Variants in IQGAP2 observed in about 807,000 individuals in gnomAD.
IQGAP2 encodes the protein IQ motif containing GTPase activating protein 2.
A neutral mutation model predicts 201.3 loss-of-function variants in IQGAP2; 173 were observed. The observed-to-expected ratio is 0.86, with a 90% CI of 0.76 to 0.98. The LOEUF is 0.98. Ranked by LOEUF, IQGAP2 falls within the 50% of genes least tolerant of loss-of-function variation. The pLI, the probability that IQGAP2 is intolerant of heterozygous loss-of-function variation, is 0.00. For synonymous variants in IQGAP2, 675 were observed against 673.9 expected (o/e 1.00, Z -0.03); for missense variants, 1,687 against 1,864.8 (o/e 0.90, Z 1.76).
At chr5:76,600,127 A>C (rs1747329677) in intron 10 of IQGAP2, among the ~76,000 whole-genome samples, 1 of 152,170 alleles carries the variant, frequency 6.6e-6, no homozygotes, top group Non-Finnish European at 1.5e-5. Flanking sequence ...CAGCCTGGGC[A>C]ACAAGAGCCA....
At chr5:76,657,302 C>T (rs1404181785) in intron 20 of IQGAP2, among the ~76,000 whole-genome samples, 1 of 152,162 alleles carries the variant, frequency 6.6e-6, no homozygotes, top group Non-Finnish European at 1.5e-5. Context: ...TGGTGCATTG[C>T]TAAGGCCTTC....
In IQGAP2 at chr5:76,707,722, A is replaced by G. The variant is rs2150575567; in HGVS notation, c.*409A>G. Reference sequence around the variant, plus strand: ...TTTTTTAATCTATGGATAAATGGAAACCTAATTATTTGTAATGAATTATTT... The same window carrying G: ...TTTTTTAATCTATGGATAAATGGAAGCCTAATTATTTGTAATGAATTATTT... On this transcript the variant is annotated 3_prime_UTR_variant, in exon 36 of 36. Transcript: ENST00000274364. 1 of 157,080 alleles carries G rather than the reference A, an allele frequency of 6.4e-6. No homozygotes were observed. The highest frequency in any genetic ancestry group is 2.4e-5 in the African/African-American group (1 of 41,636). 9.7% of individuals were successfully genotyped at this position (157,080 alleles called of 1,614,324 possible). A position where few individuals can be genotyped will look rare whatever the true frequency, so the allele number is the denominator to read the frequency against.
Position 76,677,224 on chromosome 5 carries a change from T to C in IQGAP2, c.3534T>C (p.Tyr1178=), listed in dbSNP as rs1423711196. 3.1e-6 allele frequency: 5 copies of C among 1,613,030 alleles called. No homozygotes were observed. Among genetic ancestry groups the C allele is most frequent in the Non-Finnish European group, 4.2e-6 (5 of 1,179,418 alleles). The stretch of plus-strand genomic sequence containing the variant: ...CTTTTCCCCCCTTTATTAGGAAATA[T>C]TTCAAAGAAGCATGTAATGTCCCTG... ...LSETYQEFRK[Y]FKEACNVPEP... The change falls in exon 28 of 36, where the codon TAT becomes TAC. Residue 1178 remains tyrosine (Y), a synonymous_variant. Coordinates refer to ENST00000274364, the MANE Select transcript of IQGAP2 (RefSeq NM_006633.5).
intron 2 of IQGAP2, among the ~76,000 whole-genome samples, chr5:76,496,933 G>A (rs772017812): frequency 2.6e-5 from 4 of 151,740 alleles, no homozygotes; most frequent in Non-Finnish European, 5.9e-5. Flanking sequence ...GTGTTCAAGC[G>A]ATTCTCCTGT....
intron 2 of IQGAP2, among the ~76,000 whole-genome samples, chr5:76,500,288 C>T (rs1757204593): frequency 6.6e-6 from 1 of 152,194 alleles, no homozygotes. Flanking sequence ...TGCATTTGTT[C>T]ATTGGTAGAG....
rs1390331703 is a variant in IQGAP2, at chr5:76,403,512, G to T, written c.-34G>T. ...TGGCCAGCGAGGGTAGCCGCGGGGG[G>T]CGCGCCCCGGGCGGGCCCCCGGAGA... On this transcript the variant is annotated 5_prime_UTR_variant, in exon 1 of 36. Transcript: ENST00000274364. The surrounding 1 kb of genome is among the most constrained non-coding windows in gnomAD (Gnocchi z 4.8). 6.9e-7 allele frequency: 1 copy of T among 1,451,176 alleles called. No homozygotes were observed. Among genetic ancestry groups the T allele is most frequent in the Non-Finnish European group, 9.0e-7 (1 of 1,108,836 alleles). The allele number at this position is 1,451,176 out of a possible 1,614,324, so 89.9% of individuals were successfully genotyped here. A position where few individuals can be genotyped will look rare whatever the true frequency, so the allele number is the denominator to read the frequency against.
intron 2 of IQGAP2, among the ~76,000 whole-genome samples, chr5:76,486,809 A>G (rs1756172043): frequency 6.6e-6 from 1 of 152,184 alleles, no homozygotes; most frequent in South Asian, 2.1e-4. Flanking sequence ...CACTGTAGCC[A>G]CCATTACAAG....
intron 9 of IQGAP2, chr5:76,597,127 T>G (rs1472344688): frequency 3.5e-6 from 1 of 282,404 alleles, no homozygotes; most frequent in African/African-American, 2.2e-5. Flanking sequence ...ATCTGAAGGC[T>G]TCAGGGAAGA....
intron 1 of IQGAP2, among the ~76,000 whole-genome samples, chr5:76,436,833 T>C (rs1215683648): frequency 2.6e-5 from 4 of 151,666 alleles, no homozygotes; most frequent in Non-Finnish European, 5.9e-5. Flanking sequence ...TGGCCAATCG[T>C]ATGGTTTTGT....
chr5:76,672,371 T>G (rs1446296477), intron 24 of IQGAP2, among the ~76,000 whole-genome samples: 2 of 152,136 alleles, frequency 1.3e-5, no homozygotes, highest in Non-Finnish European at 2.9e-5. Context: ...TCTGGGTGGG[T>G]GGTTGTAGAT....
At chr5:76,632,814 G>GAA (rs56875301) in intron 15 of IQGAP2, among the ~76,000 whole-genome samples, 82,428 of 148,848 alleles carry the variant, frequency 0.55, 22,665 homozygotes, top group South Asian at 0.63. Flanking sequence ...AGAGCTTAAG[G>GAA]AAAAAAAAAA....
chr5:76,667,401 A>G (rs959999900), intron 22 of IQGAP2, among the ~76,000 whole-genome samples: 4 of 152,232 alleles, frequency 2.6e-5, no homozygotes, highest in African/African-American at 9.6e-5. Context: ...CCAGTTTTCA[A>G]GTATGGAAAA....
intron 2 of IQGAP2, among the ~76,000 whole-genome samples, chr5:76,484,213 C>T (rs1214090061): frequency 6.6e-6 from 1 of 152,040 alleles, no homozygotes; most frequent in African/African-American, 2.4e-5. Flanking sequence ...TCAAAGAACT[C>T]AAAATAGAGC....
In IQGAP2 at chr5:76,678,395, G is replaced by A. The variant is rs2150502814; in HGVS notation, c.3660+1045G>A. On this transcript the variant is annotated intron_variant, in intron 28 of 35. Coordinates refer to ENST00000274364, the MANE Select transcript of IQGAP2 (RefSeq NM_006633.5). Reference sequence around the variant, plus strand: ...CAGTGGCATGGGGAAGGAATTGGGAGGCTTTAGATGACTTTTCAAACATTA... The same window carrying A: ...CAGTGGCATGGGGAAGGAATTGGGAAGCTTTAGATGACTTTTCAAACATTA... Among the ~76,000 whole-genome samples, 2 of 151,612 alleles carry A rather than the reference G, an allele frequency of 1.3e-5. 1 individual carries two copies. Among genetic ancestry groups the A allele is most frequent in the Middle Eastern group, 6.9e-3 (2 of 290 alleles).
intron 5 of IQGAP2, among the ~76,000 whole-genome samples, chr5:76,578,404 C>T (rs2150286301): frequency 6.6e-6 from 1 of 152,248 alleles, no homozygotes; most frequent in South Asian, 2.1e-4. Flanking sequence ...CCTCCACCTT[C>T]CGGGTTCAGG....
intron 5 of IQGAP2, among the ~76,000 whole-genome samples, chr5:76,588,264 T>C (rs1404100189): frequency 6.6e-6 from 1 of 152,226 alleles, no homozygotes; most frequent in Non-Finnish European, 1.5e-5. Context: ...TTTATAGAAT[T>C]TAGATGCCAG....
intron 1 of IQGAP2, among the ~76,000 whole-genome samples, chr5:76,425,327 ATCC>A: frequency 6.6e-6 from 1 of 152,194 alleles, no homozygotes; most frequent in East Asian, 1.9e-4. Flanking sequence ...TTTCTTCTCC[ATCC>A]TCTTTATTTA....
At chr5:76,698,703 ATTC>A (rs1208518374) in intron 33 of IQGAP2, among the ~76,000 whole-genome samples, 2 of 152,176 alleles carry the variant, frequency 1.3e-5, no homozygotes, top group Non-Finnish European at 2.9e-5. Context: ...CTTAGTAATT[ATTC>A]TTATCACTAG....
chr5:76,410,079 T>A (rs889614035), intron 1 of IQGAP2, among the ~76,000 whole-genome samples: 9 of 152,232 alleles, frequency 5.9e-5, no homozygotes, highest in Admixed American at 5.9e-4. Flanking sequence ...TCGTGATGAA[T>A]GAAACACCGC....
Sources: allele counts gnomAD v4.1 joint callset (sites outside exome capture counted in the v4.1 genomes callset), GRCh38; gene constraint gnomAD v4.1.1; non-coding constraint Gnocchi (gnomAD v3.1); transcripts MANE v1.5; gene names NCBI Gene and HGNC (gene_info 2026-07-23, HGNC 2026-07-21).